GREB1L: variants seen among roughly 807,000 people sequenced by gnomAD.
The protein encoded by GREB1L is GREB1-like protein.
Under a neutral mutation model 200.8 loss-of-function variants are expected in GREB1L, and 17 were observed. That is an observed-to-expected ratio of 0.08 (90% CI 0.06 to 0.13). The LOEUF (loss-of-function observed/expected upper bound fraction) is 0.13. GREB1L is among the 10% of genes least tolerant of loss of function. The pLI is 1.00. For synonymous variants in GREB1L, 789 were observed against 893.0 expected, an observed-to-expected ratio of 0.88 and a Z score of 2.08; for missense variants, 1,657 against 2,367.7, an observed-to-expected ratio of 0.70 and a Z score of 6.23.
chr18:21,522,875 A>G lies in GREB1L; in HGVS notation c.*54A>G. 2 of 1,440,958 alleles carry G rather than the reference A, an allele frequency of 1.4e-6. No homozygotes were observed. Among genetic ancestry groups the G allele is most frequent in the Non-Finnish European group, 1.9e-6 (2 of 1,078,864 alleles). 89.3% of individuals were successfully genotyped at this position (1,440,958 alleles called of 1,614,324 possible). On this transcript the variant is annotated 3_prime_UTR_variant, in exon 33 of 33. Coordinates refer to ENST00000424526, the MANE Select transcript of GREB1L (RefSeq NM_001142966.3). ...GATGCCTAGGTGGGATGGGACAGAA[A>G]CAATTTGGGATTTTTCTTTTTCCTT...
At chr18:21,370,229 T>A (rs1195497977) in intron 2 of GREB1L, among the ~76,000 whole-genome samples, 1 of 152,184 alleles carries the variant, frequency 6.6e-6, no homozygotes, top group South Asian at 2.1e-4. Flanking sequence ...TTATTCATTT[T>A]TTTTTACTCA....
At chr18:21,404,049 T>C in intron 7 of GREB1L, 55 bp downstream of exon 7, 1 of 1,451,478 alleles carries the variant, frequency 6.9e-7, no homozygotes, top group Non-Finnish European at 9.4e-7. Context: ...TTAATGAGAC[T>C]TTTTAAAATA....
Position 21,283,725 on chromosome 18 carries a change from CTG to C in GREB1L, c.-120+41333_-120+41334del, listed in dbSNP as rs1357842880. The stretch of plus-strand genomic sequence containing the variant: ...ACTCAAGTCACTGGAGTCAACGAGT[CTG>C]AGAGTTTTGCTCTTCTGAAATGACT... On this transcript the variant is annotated intron_variant, in intron 1 of 32. Transcript: ENST00000424526. 6.6e-5 allele frequency among the ~76,000 whole-genome samples: 10 copies of C among 152,260 alleles called. No individual in the cohort carries two copies. The East Asian group carries it at 1.5e-3, about 24-fold the overall frequency.
chr18:21,396,053 CT>C (rs942887834), intron 5 of GREB1L, among the ~76,000 whole-genome samples: 2 of 131,540 alleles, frequency 1.5e-5, no homozygotes. Context: ...TTTTTTTTTT[CT>C]TTTTTTTGAG....
chr18:21,268,544 CACACACACACACACACATATATAT>C (rs1273108982), intron 1 of GREB1L, among the ~76,000 whole-genome samples: 159 of 96,950 alleles, frequency 1.6e-3, no homozygotes, highest in African/African-American at 8.1e-3. Flanking sequence ...CACACACACA[CACACACACACACACACATATATAT>C]ATATATATAT....
intron 2 of GREB1L, among the ~76,000 whole-genome samples, chr18:21,370,720 A>T (rs1262873487): frequency 6.6e-6 from 1 of 152,168 alleles, no homozygotes; most frequent in Non-Finnish European, 1.5e-5. Flanking sequence ...TTTATCTCTC[A>T]ATCATTGTAC....
chr18:21,493,557 C>G (rs1358398093), intron 19 of GREB1L, among the ~76,000 whole-genome samples: 1 of 152,116 alleles, frequency 6.6e-6, no homozygotes, highest in African/African-American at 2.4e-5. Flanking sequence ...GATTTGACTA[C>G]TAATCTGAAA....
intron 7 of GREB1L, among the ~76,000 whole-genome samples, chr18:21,428,599 C>A (rs1358756147): frequency 8.0e-6 from 1 of 124,622 alleles, no homozygotes; most frequent in African/African-American, 4.0e-5. Context: ...CCTTGAATTT[C>A]AGCTATAAAT....
intron 1 of GREB1L, among the ~76,000 whole-genome samples, chr18:21,337,103 T>C (rs1180965599): frequency 6.6e-6 from 1 of 152,210 alleles, no homozygotes; most frequent in Non-Finnish European, 1.5e-5. Context: ...TAGGAACACA[T>C]ACCCTTGATG....
intron 1 of GREB1L, among the ~76,000 whole-genome samples, chr18:21,348,207 C>T (rs954550217): frequency 2.6e-5 from 4 of 151,544 alleles, no homozygotes; most frequent in South Asian, 2.1e-4. Flanking sequence ...AGCCTCCGAA[C>T]GTGCTGGGAT....
chr18:21,468,588 C>G, intron 15 of GREB1L: 2 of 386,968 alleles, frequency 5.2e-6, no homozygotes, highest in South Asian at 4.0e-5. Flanking sequence ...TTCGCTAAAC[C>G]CTTCACTCAG....
chr18:21,279,005 T>C (rs2038221801), intron 1 of GREB1L, among the ~76,000 whole-genome samples: 2 of 152,144 alleles, frequency 1.3e-5, no homozygotes, highest in African/African-American at 4.8e-5. Context: ...TCCTGACAAA[T>C]ACCTTATTGT....
Position 21,522,429 on chromosome 18 carries a change from G to A in GREB1L, c.5609-229G>A, listed in dbSNP as rs1018708780. 7.2e-5 allele frequency among the ~76,000 whole-genome samples: 11 copies of A among 151,998 alleles called. No individual in the cohort carries two copies. In the East Asian group the frequency reaches 1.4e-3, roughly 19 times the overall value. ...GCAGAGGTTGCAGTGAACCGAGATC[G>A]CACCACTGCACTCCAGCCTGGAGAC... is the stretch of plus-strand genomic sequence containing the variant. On this transcript the variant is annotated intron_variant, in intron 32 of 32. Transcript: ENST00000424526.
chr18:21,396,174 A>T (rs2041057545), intron 5 of GREB1L, among the ~76,000 whole-genome samples: 1 of 151,044 alleles, frequency 6.6e-6, no homozygotes, highest in Middle Eastern at 3.2e-3. Flanking sequence ...CCTCCCGAGT[A>T]GCTGGGATTA....
chr18:21,324,661 T>A (rs1002656778), intron 1 of GREB1L, among the ~76,000 whole-genome samples: 2 of 152,008 alleles, frequency 1.3e-5, no homozygotes, highest in African/African-American at 4.8e-5. Flanking sequence ...ATACAAAAAA[T>A]TAGCCAGGCA....
At chr18:21,289,337 C>A (rs1342696027) in intron 1 of GREB1L, among the ~76,000 whole-genome samples, 1 of 152,038 alleles carries the variant, frequency 6.6e-6, no homozygotes, top group African/African-American at 2.4e-5. Flanking sequence ...ATTACTTGAG[C>A]CCGGGAGTTT....
chr18:21,499,279 G>C (rs1433224605), intron 21 of GREB1L, among the ~76,000 whole-genome samples: 1 of 152,182 alleles, frequency 6.6e-6, no homozygotes. Flanking sequence ...CAGGTCATTT[G>C]AGGAGCGTTT....
chr18:21,294,859 C>G (rs180736549), intron 1 of GREB1L, among the ~76,000 whole-genome samples: 262 of 152,148 alleles, frequency 1.7e-3, no homozygotes, highest in African/African-American at 5.8e-3. Flanking sequence ...GGATTTGAAT[C>G]CAGGCCTGTT....
Position 21,449,827 on chromosome 18 carries a change from G to A in GREB1L, c.1711G>A (p.Val571Ile), listed in dbSNP as rs373116947. Reference sequence around the variant, plus strand: ...AATCAGAGGAAATGAATTTTGTGTGGTAGTGTTAGGTGAGTAATTTTTTTG... The same window carrying A: ...AATCAGAGGAAATGAATTTTGTGTGATAGTGTTAGGTGAGTAATTTTTTTG... ...SKIRGNEFCV[V>I]VLGQHQSRAL... The change falls in exon 12 of 33, where the codon GTA (valine) becomes ATA (isoleucine). Residue 571 changes from valine to isoleucine, a missense_variant. Physicochemically the swap from Val to Ile is conservative, Grantham distance 29. Around this residue, in one of 9 missense-constraint regions of GREB1L, gnomAD observed 239 missense variants for 421.8 expected, o/e 0.57. Coordinates refer to ENST00000424526, the MANE Select transcript of GREB1L (RefSeq NM_001142966.3). 23 of 1,520,046 alleles carry A rather than the reference G, an allele frequency of 1.5e-5. No individual in the cohort carries two copies. In the African/African-American group the frequency reaches 3.1e-4, roughly 20 times the overall value. 94.2% of individuals were successfully genotyped at this position (1,520,046 alleles called of 1,614,324 possible).
Sources: gnomAD v4.1 joint callset for allele counts (sites outside exome capture counted in the v4.1 genomes callset) on GRCh38, gnomAD v4.1.1 for gene constraint, gnomAD v4.1.1 regional missense constraint, MANE v1.5 for transcripts, NCBI Gene and HGNC (gene_info 2026-07-23, HGNC 2026-07-21) for gene names.